The following ERG variants were observed in gnomAD, a reference collection of about 807,000 sequenced individuals.
The protein encoded by ERG is transcriptional regulator ERG.
Under a neutral mutation model 55.3 loss-of-function variants are expected in ERG, and 9 were observed. The observed-to-expected ratio is 0.16, with a 90% CI of 0.10 to 0.28. The LOEUF (loss-of-function observed/expected upper bound fraction) is 0.28. Ranked by LOEUF, ERG falls within the 10% of genes least tolerant of loss-of-function variation. The pLI is 1.00. For synonymous variants in ERG, 223 were observed against 237.3 expected, an observed-to-expected ratio of 0.94 and a Z score of 0.55; for missense variants, 434 against 631.6, an observed-to-expected ratio of 0.69 and a Z score of 3.35.
At chr21:38,476,312 G>A (rs1378209543) in intron 1 of ERG, among the ~76,000 whole-genome samples, 1 of 152,110 alleles carries the variant, frequency 6.6e-6, no homozygotes, top group African/African-American at 2.4e-5. Context: ...GGCTGCAATC[G>A]CCCCTACACC....
At chr21:38,562,792 G>A (rs138197144) in intron 2 of ERG, among the ~76,000 whole-genome samples, 3 of 152,272 alleles carry the variant, frequency 2.0e-5, no homozygotes, top group African/African-American at 7.2e-5. Context: ...CCCAGCTCCT[G>A]CAGGACCGAG....
At chr21:38,450,410 A>T (rs1467433645) in intron 1 of ERG, among the ~76,000 whole-genome samples, 1 of 152,112 alleles carries the variant, frequency 6.6e-6, no homozygotes, top group African/African-American at 2.4e-5. Flanking sequence ...AATAAAAAAT[A>T]AAAAAATCTT....
At position 38,382,932 on chromosome 21, in the gene ERG, T is replaced by C; in HGVS notation, c.*471A>G. 3.8e-6 allele frequency: 4 copies of C among 1,066,634 alleles called. No homozygotes were observed. Among genetic ancestry groups the C allele is most frequent in the Non-Finnish European group, 4.5e-6 (4 of 879,890 alleles). 66.1% of individuals were successfully genotyped at this position (1,066,634 alleles called of 1,614,324 possible). A position where few individuals can be genotyped will look rare whatever the true frequency, so the allele number is the denominator to read the frequency against. ...TGGGCCACAGTCTCTCTCGTGTCTTTTCTCTTGTTTTTGATATGTTTCTAT... is the reference window on the plus strand; with the variant it reads ...TGGGCCACAGTCTCTCTCGTGTCTTCTCTCTTGTTTTTGATATGTTTCTAT... On this transcript the variant is annotated 3_prime_UTR_variant, in exon 10 of 10. Coordinates refer to ENST00000288319, the MANE Select transcript of ERG (RefSeq NM_182918.4).
intron 2 of ERG, among the ~76,000 whole-genome samples, chr21:38,426,056 A>T (rs1989810694): frequency 6.6e-6 from 1 of 152,236 alleles, no homozygotes; most frequent in Non-Finnish European, 1.5e-5. Context: ...GATGGAGGTT[A>T]CAGTCAGGGT....
upstream of ERG, among the ~76,000 whole-genome samples, chr21:38,501,777 C>CTTGCTTTA (rs2146700296): frequency 6.6e-6 from 1 of 152,350 alleles, no homozygotes; most frequent in East Asian, 1.9e-4. Flanking sequence ...ACACATTTCC[C>CTTGCTTTA]TTGCATGCTT....
chr21:38,372,282 C>T, the ERG span, among the ~76,000 whole-genome samples: 1 of 151,776 alleles, frequency 6.6e-6, no homozygotes, highest in Admixed American at 6.6e-5. Flanking sequence ...TAAAAAACTC[C>T]AATTTTTATC....
the ERG span, chr21:38,367,579 C>A: frequency 2.0e-6 from 1 of 512,428 alleles, no homozygotes; most frequent in Non-Finnish European, 3.8e-6. Context: ...TTCTATGACC[C>A]AGTCCCAGAA....
intron 1 of ERG, chr21:38,471,039 T>C (rs1382090040): frequency 1.3e-5 from 2 of 152,154 alleles, no homozygotes; most frequent in Non-Finnish European, 2.9e-5. Context: ...TCATTACGGT[T>C]TAGTTCACCA....
rs112603056 is a variant in ERG, at chr21:38,651,883, A to G, written c.-150+9775T>C. ...CTGTGTGACTCCAGGCAAGGTGCTC[A>G]GCACTCCTGAGCCTCACTGCTATTC... On this transcript the variant is annotated intron_variant, in intron 1 of 10. Transcript: ENST00000398910. 3.2e-4 allele frequency among the ~76,000 whole-genome samples: 48 copies of G among 152,292 alleles called. 1 individual carries two copies. Among genetic ancestry groups the G allele is most frequent in the African/African-American group, 1.1e-3 (47 of 41,564 alleles).
Position 38,611,939 on chromosome 21 carries a change from G to T in ERG, c.-149-26994C>A, listed in dbSNP as rs562278498. Among the ~76,000 whole-genome samples, 11 of 152,032 alleles carry T rather than the reference G, an allele frequency of 7.2e-5. No individual in the cohort carries two copies. In the East Asian group the frequency reaches 1.9e-3, roughly 27 times the overall value. Reference sequence around the variant, plus strand: ...AGTGCTGGGCAGGAGGAAAAAAAGCGGGGGGTTCATGTGAAGCTCCTTTCC... The same window carrying T: ...AGTGCTGGGCAGGAGGAAAAAAAGCTGGGGGTTCATGTGAAGCTCCTTTCC... On this transcript the variant is annotated intron_variant, in intron 1 of 10. Transcript: ENST00000398910.
intron 1 of ERG, among the ~76,000 whole-genome samples, chr21:38,474,325 C>T (rs532528391): frequency 2.0e-5 from 3 of 151,376 alleles, no homozygotes; most frequent in East Asian, 2.0e-4. Context: ...AAGTTCATTG[C>T]GTGCAGCCCC....
chr21:38,625,758 A>C (rs2060320453), intron 1 of ERG, among the ~76,000 whole-genome samples: 1 of 152,120 alleles, frequency 6.6e-6, no homozygotes, highest in African/African-American at 2.4e-5. Context: ...CCAGGATACA[A>C]CACCAGCTTT....
chr21:38,624,999 T>C (rs1034905568), intron 1 of ERG, among the ~76,000 whole-genome samples: 77 of 152,112 alleles, frequency 5.1e-4, no homozygotes, highest in Non-Finnish European at 1.2e-4. Context: ...ATTAAAAATA[T>C]ATATTAATAT....
chr21:38,586,163 C>T (rs71316649), upstream of ERG, among the ~76,000 whole-genome samples: 1 of 113,720 alleles, frequency 8.8e-6, no homozygotes, highest in Admixed American at 9.1e-5. Context: ...CCGTGTACAA[C>T]ATTATGTTTT....
rs563726505 is a variant in ERG at position 38,564,710 on chromosome 21, C to T, written c.-41+10952G>A. ...GGCTAATCCTCAGTCCTCATCTCAC[C>T]GAGACAGCAGTTTCTTAGCCCTTCT... is the stretch of plus-strand genomic sequence containing the variant. On this transcript the variant is annotated intron_variant, in intron 2 of 8. Coordinates refer to the ERG transcript ENST00000398897. Among the ~76,000 whole-genome samples, 33 of 152,174 alleles carry T rather than the reference C, an allele frequency of 2.2e-4. 1 individual carries two copies. The highest frequency in any genetic ancestry group is 6.7e-4 in the African/African-American group (28 of 41,514).
chr21:38,548,823 A>G (rs2059805106), intron 2 of ERG, among the ~76,000 whole-genome samples: 1 of 147,432 alleles, frequency 6.8e-6, no homozygotes, highest in African/African-American at 2.5e-5. Context: ...GCAAAGCATG[A>G]CTTTGGGACG....
chr21:38,546,158 C>G (rs2059786564), intron 2 of ERG, among the ~76,000 whole-genome samples: 1 of 152,206 alleles, frequency 6.6e-6, no homozygotes, highest in South Asian at 2.1e-4. Flanking sequence ...TCTTGTCCCA[C>G]TGTCTGCAAA....
intron 1 of ERG, among the ~76,000 whole-genome samples, chr21:38,576,520 G>A (rs973169245): frequency 6.6e-6 from 1 of 152,140 alleles, no homozygotes; most frequent in Non-Finnish European, 1.5e-5. Flanking sequence ...ATTTAAAGAT[G>A]CCTATAATCC....
chr21:38,599,167 TG>T (rs952100162), intron 1 of ERG, among the ~76,000 whole-genome samples: 1 of 151,772 alleles, frequency 6.6e-6, no homozygotes, highest in Non-Finnish European at 1.5e-5. Context: ...GGAGAGGCCA[TG>T]GGGGGGCACA....
Sources: allele counts gnomAD v4.1 joint callset (sites outside exome capture counted in the v4.1 genomes callset), GRCh38; gene constraint gnomAD v4.1.1; transcripts MANE v1.5; gene names NCBI Gene and HGNC (gene_info 2026-07-23, HGNC 2026-07-21).